CAB39: variants seen among roughly 807,000 people sequenced by gnomAD.
CAB39 encodes the protein calcium-binding protein 39.
In CAB39, 8 loss-of-function variants were observed where a neutral mutation model predicts 40.0. The observed-to-expected ratio is 0.20, with a 90% CI of 0.12 to 0.36. The LOEUF is 0.36. CAB39 is among the 10% of genes least tolerant of loss of function. The pLI is 1.00. For missense variants in CAB39, 270 were observed against 401.1 expected, an observed-to-expected ratio of 0.67 and a Z score of 2.79; for synonymous variants, 156 against 141.6, an observed-to-expected ratio of 1.10 and a Z score of -0.72.
chr2:230,789,871 G>T (rs527898287), intron 2 of CAB39, among the ~76,000 whole-genome samples: 1 of 152,286 alleles, frequency 6.6e-6, no homozygotes, highest in South Asian at 2.1e-4. Flanking sequence ...GGGTAATTAT[G>T]AAGTTTCCCT....
chr2:230,715,088 T>A (rs1414571980), intron 1 of CAB39, among the ~76,000 whole-genome samples: 1 of 152,372 alleles, frequency 6.6e-6, no homozygotes, highest in East Asian at 1.9e-4. Flanking sequence ...TTTTTCTGTG[T>A]ATTTTTTCTT....
At chr2:230,759,655 C>T (rs1248723537) in intron 1 of CAB39, among the ~76,000 whole-genome samples, 1 of 152,212 alleles carries the variant, frequency 6.6e-6, no homozygotes, top group Non-Finnish European at 1.5e-5. Flanking sequence ...TGAGTGGGAG[C>T]TGCTGCTCTC....
At chr2:230,750,222 T>C (rs1395921347) in intron 1 of CAB39, among the ~76,000 whole-genome samples, 4 of 152,318 alleles carry the variant, frequency 2.6e-5, no homozygotes, top group East Asian at 1.9e-4. Flanking sequence ...GGAGGAGATA[T>C]CTTTAAGAGG....
At chr2:230,800,081 G>T (rs181973687) in intron 5 of CAB39, among the ~76,000 whole-genome samples, 175 of 151,986 alleles carry the variant, frequency 1.2e-3, no homozygotes, top group African/African-American at 3.9e-3. Context: ...CTGATATGCA[G>T]ACGACCATGC....
chr2:230,790,004 G>C lies in CAB39; in HGVS notation c.115-868G>C, dbSNP rs78173769. Among the ~76,000 whole-genome samples the C allele has an allele frequency of 9.5e-3, 1,446 of 152,132 alleles. 22 individuals carry two copies. Among genetic ancestry groups the C allele is most frequent in the African/African-American group, 0.032 (1,332 of 41,498 alleles). On this transcript the variant is annotated intron_variant, in intron 2 of 8. Coordinates refer to ENST00000258418, the MANE Select transcript of CAB39 (RefSeq NM_016289.4). ...AATCCCAGCACAAGTTGGGCAGATC[G>C]CTTGAGCCCAGGAGTTTGAGACCAG...
chr2:230,720,945 A>T (rs1694439587), intron 1 of CAB39, among the ~76,000 whole-genome samples: 1 of 152,186 alleles, frequency 6.6e-6, no homozygotes, highest in Non-Finnish European at 1.5e-5. Flanking sequence ...GCTGTTCAGC[A>T]TTGGTGAGTT....
Position 230,764,290 on chromosome 2 carries a change from A to G in CAB39, c.114+4175A>G, listed in dbSNP as rs1304125987. Among the ~76,000 whole-genome samples the G allele has an allele frequency of 5.3e-5, 8 of 152,296 alleles. No homozygotes were observed. The East Asian group carries it at 1.5e-3, about 29-fold the overall frequency. On this transcript the variant is annotated intron_variant, in intron 2 of 8. Coordinates refer to ENST00000258418, the MANE Select transcript of CAB39 (RefSeq NM_016289.4). ...AACAATATTCAATAAATTACATGAG[A>G]TATTCCACACTTTATTATAAAATAG...
chr2:230,727,231 TTAAA>T lies in CAB39; in HGVS notation c.-44+14004_-44+14007del, dbSNP rs201708817. 4.0e-3 allele frequency among the ~76,000 whole-genome samples: 606 copies of T among 150,050 alleles called. 1 individual carries two copies. The highest frequency in any genetic ancestry group is 0.014 in the African/African-American group (556 of 40,924). ...CATATTTAATAATATATGTAAATAT[TTAAA>T]TATATATAAATTGGAAGCGGGTACC... On this transcript the variant is annotated intron_variant, in intron 1 of 8. Coordinates refer to ENST00000258418, the MANE Select transcript of CAB39 (RefSeq NM_016289.4).
intron 1 of CAB39, among the ~76,000 whole-genome samples, chr2:230,727,501 A>G (rs1694608334): frequency 6.7e-6 from 1 of 149,790 alleles, no homozygotes; most frequent in African/African-American, 2.5e-5. Context: ...TGTAGCCTCA[A>G]CCTTCTGGGC....
At chr2:230,720,078 T>G (rs576594023) in intron 1 of CAB39, among the ~76,000 whole-genome samples, 2 of 152,222 alleles carry the variant, frequency 1.3e-5, no homozygotes, top group Non-Finnish European at 2.9e-5. Context: ...AGTACAAGCT[T>G]AGTAAGTCAG....
intron 3 of CAB39, among the ~76,000 whole-genome samples, chr2:230,792,888 A>T (rs184720932): frequency 6.6e-6 from 1 of 152,320 alleles, no homozygotes; most frequent in Admixed American, 6.5e-5. Context: ...CAGATCCCTT[A>T]GATTGTTAAC....
At chr2:230,772,604 C>A (rs958823224) in intron 2 of CAB39, among the ~76,000 whole-genome samples, 2 of 151,982 alleles carry the variant, frequency 1.3e-5, no homozygotes, top group Non-Finnish European at 2.9e-5. Flanking sequence ...CCTGCCTCAG[C>A]CTCCCAAGTA....
intron 1 of CAB39, among the ~76,000 whole-genome samples, chr2:230,759,559 A>G (rs1266417592): frequency 1.3e-5 from 2 of 152,152 alleles, no homozygotes; most frequent in East Asian, 1.9e-4. Context: ...TCACCAGTAA[A>G]TAGGAGCAGG....
chr2:230,781,933 C>T (rs528856661), intron 2 of CAB39, among the ~76,000 whole-genome samples: 3 of 152,120 alleles, frequency 2.0e-5, no homozygotes, highest in Non-Finnish European at 4.4e-5. Flanking sequence ...GGCTCAATCT[C>T]GGCTCACTGC....
chr2:230,785,093 A>G (rs1327242248), intron 2 of CAB39, among the ~76,000 whole-genome samples: 1 of 152,252 alleles, frequency 6.6e-6, no homozygotes, highest in Non-Finnish European at 1.5e-5. Context: ...ATGCTGGAGC[A>G]AGCTAGGAGA....
rs1455595485 is a variant in CAB39 at position 230,821,007 on chromosome 2, T to G, written c.*2303T>G. 6.6e-6 allele frequency: 1 copy of G among 152,652 alleles called. No homozygotes were observed. The highest frequency in any genetic ancestry group is 2.4e-5 in the African/African-American group (1 of 41,448). 9.5% of individuals were successfully genotyped at this position (152,652 alleles called of 1,614,324 possible). ...GCATTTTCTTTCTCCTAAGGAAAAGTGAATTTCTTATCAGAATATCTGGCT... is the reference window on the plus strand; with the variant it reads ...GCATTTTCTTTCTCCTAAGGAAAAGGGAATTTCTTATCAGAATATCTGGCT... On this transcript the variant is annotated 3_prime_UTR_variant, in exon 9 of 9. Coordinates refer to ENST00000258418, the MANE Select transcript of CAB39 (RefSeq NM_016289.4).
At chr2:230,713,641 T>C (rs1474784666) in intron 1 of CAB39, 6 of 152,318 alleles carry the variant, frequency 3.9e-5, no homozygotes, top group Non-Finnish European at 7.3e-5. Context: ...AACTTCCTGT[T>C]GTCGGGAGGC....
intron 1 of CAB39, among the ~76,000 whole-genome samples, chr2:230,724,072 C>A (rs1002617506): frequency 3.3e-5 from 5 of 151,356 alleles, no homozygotes; most frequent in African/African-American, 1.2e-4. Flanking sequence ...CATGGTGAAA[C>A]CCTGTCTCTG....
Position 230,747,808 on chromosome 2 carries a change from C to T in CAB39, c.-43-12151C>T, listed in dbSNP as rs943352629. 5.1e-4 allele frequency among the ~76,000 whole-genome samples: 78 copies of T among 152,256 alleles called. 1 individual carries two copies. The highest frequency in any genetic ancestry group is 1.8e-3 in the African/African-American group (75 of 41,526). On this transcript the variant is annotated intron_variant, in intron 1 of 8. Transcript: ENST00000258418. ...GAATTTCCAGCTTCAACAGTTAATACTTTGCTAGCTATTTCATCTGTCCCC... is the reference window on the plus strand; with the variant it reads ...GAATTTCCAGCTTCAACAGTTAATATTTTGCTAGCTATTTCATCTGTCCCC...
Sources: allele counts gnomAD v4.1 joint callset (sites outside exome capture counted in the v4.1 genomes callset), GRCh38; gene constraint gnomAD v4.1.1; transcripts MANE v1.5; gene names NCBI Gene and HGNC (gene_info 2026-07-23, HGNC 2026-07-21).